EYA1: variants seen among roughly 807,000 people sequenced by gnomAD.
EYA1 encodes the protein protein phosphatase EYA1.
A neutral mutation model predicts 82.0 loss-of-function variants in EYA1; 16 were observed. That is an observed-to-expected ratio of 0.20 (90% confidence interval 0.13 to 0.30). EYA1 has a LOEUF of 0.30. EYA1 is among the 10% of genes least tolerant of loss of function. The pLI is 1.00. For missense variants in EYA1, 633 were observed against 730.7 expected, an observed-to-expected ratio of 0.87 and a Z score of 1.54; for synonymous variants, 261 against 264.4, an observed-to-expected ratio of 0.99 and a Z score of 0.12.
intron 2 of EYA1, among the ~76,000 whole-genome samples, chr8:71,439,267 C>T (rs1261038025): frequency 6.6e-6 from 1 of 152,154 alleles, no homozygotes; most frequent in Admixed American, 6.5e-5. Flanking sequence ...CTATCAAGTT[C>T]CCTGATCCAT....
At chr8:71,504,492 A>T (rs375657941) in intron 2 of EYA1, among the ~76,000 whole-genome samples, 10 of 152,224 alleles carry the variant, frequency 6.6e-5, no homozygotes, top group Admixed American at 5.9e-4. Context: ...TTAATTTTAT[A>T]TGTATTTAAA....
At chr8:71,263,661 T>C (rs1815413458) in intron 11 of EYA1, among the ~76,000 whole-genome samples, 1 of 152,216 alleles carries the variant, frequency 6.6e-6, no homozygotes. Context: ...GAGCATCACC[T>C]ACAGCAGAGG....
chr8:71,535,589 G>A (rs1001304066), intron 2 of EYA1, among the ~76,000 whole-genome samples: 20 of 152,196 alleles, frequency 1.3e-4, no homozygotes, highest in South Asian at 1.0e-3. Flanking sequence ...ATGAAACAGT[G>A]TACTACTTAA....
intron 1 of EYA1, among the ~76,000 whole-genome samples, chr8:71,537,847 G>T (rs546027434): frequency 1.3e-5 from 2 of 152,262 alleles, no homozygotes; most frequent in East Asian, 3.9e-4. Context: ...AGCATGAAAG[G>T]TATTTCATTT....
rs76751933 is a variant in EYA1 at position 71,278,924 on chromosome 8, C to T, written c.827-7027G>A. Among the ~76,000 whole-genome samples, 605 of 152,282 alleles carry T rather than the reference C, an allele frequency of 4.0e-3. 7 individuals carry two copies. The highest frequency in any genetic ancestry group is 0.014 in the African/African-American group (563 of 41,550). On this transcript the variant is annotated intron_variant, in intron 9 of 17. Transcript: ENST00000340726. ...TTTGGGAGGGTGGAGGCCCTCCTCA[C>T]TCATATTGAAGTCTAAGTGAGGTGA...
At chr8:71,199,564 A>G (rs917680045) in intron 17 of EYA1, 144 bp from the exon 18 acceptor site, 1 of 686,874 alleles carries the variant, frequency 1.5e-6, no homozygotes, top group Non-Finnish European at 2.7e-6. Flanking sequence ...ATCTGTTTAA[A>G]ACAAAAATTC....
At chr8:71,479,306 G>T (rs918047127) in intron 2 of EYA1, among the ~76,000 whole-genome samples, 1 of 152,024 alleles carries the variant, frequency 6.6e-6, no homozygotes, top group African/African-American at 2.4e-5. Flanking sequence ...TGCTCAAATT[G>T]CACCTTCCCC....
chr8:71,452,902 G>A (rs1042983346), intron 2 of EYA1, among the ~76,000 whole-genome samples: 1 of 152,216 alleles, frequency 6.6e-6, no homozygotes, highest in Non-Finnish European at 1.5e-5. Flanking sequence ...GCCAGCAACG[G>A]AACAAAGCTG....
chr8:71,204,227 T>C (rs1807443951), intron 17 of EYA1: 1 of 152,230 alleles, frequency 6.6e-6, no homozygotes, highest in Non-Finnish European at 1.5e-5. Context: ...CCTGTTTTTC[T>C]TGCCTCCTGG....
intron 2 of EYA1, among the ~76,000 whole-genome samples, chr8:71,505,922 G>A (rs906990227): frequency 2.6e-5 from 4 of 152,152 alleles, no homozygotes; most frequent in Non-Finnish European, 4.4e-5. Context: ...CTGTTCTCAT[G>A]AGAGTGAGTT....
chr8:71,266,095 T>A (rs1396150031), intron 11 of EYA1, among the ~76,000 whole-genome samples: 1 of 152,256 alleles, frequency 6.6e-6, no homozygotes, highest in African/African-American at 2.4e-5. Flanking sequence ...AATGGCCTAC[T>A]CATTGAGTTG....
rs542350192 is a variant in EYA1, at chr8:71,343,207, G to A, written c.125-9033C>T. ...GTAAACTGGTTTGAAGGTTACAGCA[G>A]GCCATTTCAGCAGCTGGGCTTGAAG... On this transcript the variant is annotated intron_variant, in intron 3 of 17. Coordinates refer to ENST00000340726, the MANE Select transcript of EYA1 (RefSeq NM_000503.6). Among the ~76,000 whole-genome samples the A allele has an allele frequency of 9.2e-5, 14 of 152,242 alleles. No individual in the cohort carries two copies. In the South Asian group the frequency reaches 2.9e-3, roughly 32 times the overall value.
At position 71,247,060 on chromosome 8, in the gene EYA1, C is replaced by T. The variant is rs962696806; in HGVS notation, c.1051-2368G>A. Reference sequence around the variant, plus strand: ...CTAATACTTCCTACTGTCTTGGCACCGCCCACATCCCTCCAGCACCTCCCA... The same window carrying T: ...CTAATACTTCCTACTGTCTTGGCACTGCCCACATCCCTCCAGCACCTCCCA... On this transcript the variant is annotated intron_variant, in intron 11 of 17. Transcript: ENST00000340726. Among the ~76,000 whole-genome samples, 13 of 150,590 alleles carry T rather than the reference C, an allele frequency of 8.6e-5. 1 individual carries two copies. Among genetic ancestry groups the T allele is most frequent in the East Asian group, 3.9e-4 (2 of 5,086 alleles).
chr8:71,358,781 A>C (rs1827128033), intron 1 of EYA1, among the ~76,000 whole-genome samples: 1 of 152,176 alleles, frequency 6.6e-6, no homozygotes, highest in African/African-American at 2.4e-5. Context: ...GTTTGATAAT[A>C]TCTCTGGAAG....
At chr8:71,374,014 G>T (rs1461278028) in intron 2 of EYA1, among the ~76,000 whole-genome samples, 1 of 152,122 alleles carries the variant, frequency 6.6e-6, no homozygotes, top group African/African-American at 2.4e-5. Context: ...CTAAATGTAA[G>T]ACTTGATACC....
At chr8:71,314,302 CATTTAATA>C (rs1821665664) in intron 7 of EYA1, among the ~76,000 whole-genome samples, 1 of 152,144 alleles carries the variant, frequency 6.6e-6, no homozygotes, top group South Asian at 2.1e-4. Context: ...ATACATACTG[CATTTAATA>C]TTTAAGAACT....
In EYA1 at chr8:71,433,596, A is replaced by G. The variant is rs144236050; in HGVS notation, c.34-77085T>C. Reference sequence around the variant, plus strand: ...AGTTAGCAAAGACCAGAAACAGGCAACGTAACAATCCATGGGGATTTCAGG... The same window carrying G: ...AGTTAGCAAAGACCAGAAACAGGCAGCGTAACAATCCATGGGGATTTCAGG... On this transcript the variant is annotated intron_variant, in intron 2 of 18. Coordinates refer to the EYA1 transcript ENST00000643681. Among the ~76,000 whole-genome samples the G allele has an allele frequency of 1.7e-3, 260 of 152,340 alleles. 1 individual carries two copies. Among genetic ancestry groups the G allele is most frequent in the African/African-American group, 6.0e-3 (250 of 41,578 alleles).
At chr8:71,441,455 A>C (rs1369988041) in intron 2 of EYA1, among the ~76,000 whole-genome samples, 1 of 152,092 alleles carries the variant, frequency 6.6e-6, no homozygotes, top group Non-Finnish European at 1.5e-5. Context: ...CCCCAACCCC[A>C]ATCAGACTGG....
At chr8:71,413,475 T>G (rs1259432202) in intron 2 of EYA1, among the ~76,000 whole-genome samples, 1 of 152,216 alleles carries the variant, frequency 6.6e-6, no homozygotes, top group Non-Finnish European at 1.5e-5. Context: ...AAGGCATGGA[T>G]CATTTCCCCA....
Sources: gnomAD v4.1 joint callset for allele counts (sites outside exome capture counted in the v4.1 genomes callset) on GRCh38, gnomAD v4.1.1 for gene constraint, MANE v1.5 for transcripts, NCBI Gene and HGNC (gene_info 2026-07-23, HGNC 2026-07-21) for gene names.